Variants in LRRK2 observed in about 807,000 individuals in gnomAD.
LRRK2 encodes the protein leucine rich repeat kinase 2, also known as leucine-rich repeat serine/threonine-protein kinase 2.
Under a neutral mutation model 302.6 loss-of-function variants are expected in LRRK2, and 203 were observed. The ratio of observed to expected loss-of-function variants is 0.67; its 90% confidence interval spans 0.60 to 0.75. The LOEUF is 0.75. Ranked by LOEUF, LRRK2 falls within the 30% of genes least tolerant of loss-of-function variation. LRRK2 has a pLI of 0.00. For missense variants in LRRK2, 2,830 were observed against 2,951.0 expected (o/e 0.96, Z 0.95); for synonymous variants, 1,066 against 1,031.9 (o/e 1.03, Z -0.63).
At chr12:40,333,049 A>G (rs549720544) in intron 39 of LRRK2, among the ~76,000 whole-genome samples, 3 of 151,848 alleles carry the variant, frequency 2.0e-5, no homozygotes, top group Non-Finnish European at 2.9e-5. Flanking sequence ...GCAGATCTAT[A>G]TTATACTGTA....
At chr12:40,277,251 G>A (rs1157550237) in intron 16 of LRRK2, among the ~76,000 whole-genome samples, 1 of 152,160 alleles carries the variant, frequency 6.6e-6, no homozygotes, top group East Asian at 1.9e-4. Context: ...CATCACATGA[G>A]TGAAGAGGAC....
At chr12:40,353,969 CG>C (rs923680102) in intron 44 of LRRK2, among the ~76,000 whole-genome samples, 8 of 151,892 alleles carry the variant, frequency 5.3e-5, no homozygotes, top group Admixed American at 5.2e-4. Context: ...CAGAGGGAGA[CG>C]GTGGAAAGAG....
intron 24 of LRRK2, among the ~76,000 whole-genome samples, chr12:40,298,800 A>ATATATATATATAT (rs1565726968): frequency 4.0e-5 from 2 of 50,598 alleles, no homozygotes; most frequent in East Asian, 8.8e-4. Flanking sequence ...TATATATATA[A>ATATATATATATAT]TATATGTATT....
At chr12:40,228,948 C>T (rs1250788825) in intron 2 of LRRK2, among the ~76,000 whole-genome samples, 3 of 152,182 alleles carry the variant, frequency 2.0e-5, no homozygotes, top group Non-Finnish European at 4.4e-5. Flanking sequence ...AGACTCAAGT[C>T]TTCTCACACC....
chr12:40,331,213 G>A (rs1945702344), intron 39 of LRRK2, among the ~76,000 whole-genome samples: 1 of 152,170 alleles, frequency 6.6e-6, no homozygotes, highest in Non-Finnish European at 1.5e-5. Context: ...ATTATTAAAG[G>A]TAACTAGAAT....
At chr12:40,236,963 C>G (rs758081387) in intron 4 of LRRK2, among the ~76,000 whole-genome samples, 22 of 152,012 alleles carry the variant, frequency 1.4e-4, no homozygotes, top group Non-Finnish European at 2.6e-4. Flanking sequence ...AAGTTAGCCT[C>G]ATACAGTACT....
chr12:40,352,835 A>T (rs1451893422), intron 44 of LRRK2, among the ~76,000 whole-genome samples: 1 of 152,046 alleles, frequency 6.6e-6, no homozygotes, highest in Admixed American at 6.6e-5. Context: ...GTACAGAACA[A>T]AATGGAGTCT....
intron 44 of LRRK2, among the ~76,000 whole-genome samples, chr12:40,353,009 GGGC>G: frequency 6.6e-6 from 1 of 152,216 alleles, no homozygotes; most frequent in East Asian, 1.9e-4. Flanking sequence ...CCGGGCAGAG[GGGC>G]TCCTCACTTC....
intron 28 of LRRK2, among the ~76,000 whole-genome samples, chr12:40,306,251 G>T (rs1944819376): frequency 1.3e-5 from 2 of 152,014 alleles, no homozygotes; most frequent in South Asian, 4.1e-4. Context: ...ATTGCTATTT[G>T]GTCTCTGGTT....
intron 45 of LRRK2, 86 bp downstream of exon 45, chr12:40,354,578 G>T: frequency 8.1e-7 from 1 of 1,234,862 alleles, no homozygotes; most frequent in Non-Finnish European, 1.2e-6. Context: ...CATCAGCAAA[G>T]ATTGTTCATT....
chr12:40,354,260 A>G, intron 44 of LRRK2, 39 bp from the exon 45 acceptor site: 1 of 1,567,520 alleles, frequency 6.4e-7, no homozygotes, highest in Non-Finnish European at 8.8e-7. Flanking sequence ...GCTTAAGCTT[A>G]AATCAAATCC....
intron 18 of LRRK2, among the ~76,000 whole-genome samples, chr12:40,280,638 A>AAAAT (rs772598554): frequency 6.7e-6 from 1 of 149,286 alleles, no homozygotes; most frequent in Non-Finnish European, 1.5e-5. Context: ...AAAATAAAAT[A>AAAAT]AAATAAAATA....
At chr12:40,325,032 A>G (rs1945502663) in intron 38 of LRRK2, among the ~76,000 whole-genome samples, 1 of 152,218 alleles carries the variant, frequency 6.6e-6, no homozygotes, top group Admixed American at 6.5e-5. Context: ...TCACTCCTGT[A>G]ATCCCAGCAC....
intron 14 of LRRK2, among the ~76,000 whole-genome samples, chr12:40,265,306 G>T (rs2136549846): frequency 6.6e-6 from 1 of 152,262 alleles, no homozygotes; most frequent in African/African-American, 2.4e-5. Context: ...GTTGTTGATG[G>T]CTGTTGTGAA....
chr12:40,343,818 T>C (rs955760030), intron 41 of LRRK2, among the ~76,000 whole-genome samples: 1 of 152,182 alleles, frequency 6.6e-6, no homozygotes, highest in African/African-American at 2.4e-5. Flanking sequence ...TACCACTTAA[T>C]AGTGGCATGA....
chr12:40,299,606 G>T (rs951538833), intron 25 of LRRK2, among the ~76,000 whole-genome samples: 2 of 152,112 alleles, frequency 1.3e-5, no homozygotes, highest in African/African-American at 4.8e-5. Context: ...ATAGATAAAG[G>T]ACAGAGGATT....
intron 14 of LRRK2, among the ~76,000 whole-genome samples, chr12:40,264,739 T>C (rs1392479352): frequency 6.6e-6 from 1 of 152,262 alleles, no homozygotes; most frequent in Non-Finnish European, 1.5e-5. Flanking sequence ...TTGTTTCCAT[T>C]TTTTAGCATT....
intron 11 of LRRK2, among the ~76,000 whole-genome samples, chr12:40,254,734 A>G (rs750658172): frequency 5.3e-5 from 8 of 152,174 alleles, no homozygotes; most frequent in Non-Finnish European, 1.0e-4. Flanking sequence ...AGGACTGGTT[A>G]CATTCAGAGT....
chr12:40,276,730 C>T (rs2136617237), intron 16 of LRRK2, among the ~76,000 whole-genome samples: 1 of 152,326 alleles, frequency 6.6e-6, no homozygotes, highest in Admixed American at 6.5e-5. Flanking sequence ...GTCCCTCAGA[C>T]ATACATAAAT....
Sources: allele counts gnomAD v4.1 joint callset (sites outside exome capture counted in the v4.1 genomes callset), GRCh38; gene constraint gnomAD v4.1.1; transcripts MANE v1.5; gene names NCBI Gene and HGNC (gene_info 2026-07-23, HGNC 2026-07-21).